Variants in STPG2 observed in about 807,000 individuals in gnomAD.
STPG2 encodes the protein sperm tail PG-rich repeat containing 2, also known as sperm-tail PG-rich repeat-containing protein 2.
In STPG2, 56 loss-of-function variants were observed where a neutral mutation model predicts 54.2. The observed-to-expected ratio is 1.03, with a 90% CI of 0.83 to 1.29. The LOEUF is 1.29. Ranked by LOEUF, STPG2 falls within the 50% of genes most tolerant of loss-of-function variation. STPG2 has a pLI of 0.00. For synonymous variants in STPG2, 200 were observed against 181.8 expected, an observed-to-expected ratio of 1.10 and a Z score of -0.81; for missense variants, 596 against 544.9, an observed-to-expected ratio of 1.09 and a Z score of -0.93.
chr4:97,537,646 G>A (rs983054736), intron 4 of STPG2, among the ~76,000 whole-genome samples: 4 of 152,202 alleles, frequency 2.6e-5, no homozygotes, highest in African/African-American at 9.6e-5. Context: ...AAAGGCAGCA[G>A]AAACCTCAGC....
chr4:97,473,916 CCT>C (rs926758647), intron 4 of STPG2, among the ~76,000 whole-genome samples: 12 of 152,158 alleles, frequency 7.9e-5, no homozygotes, highest in African/African-American at 2.6e-4. Context: ...CTGAGTTTCC[CCT>C]GATAATTGGT....
chr4:98,120,615 T>C (rs903995830), intron 3 of STPG2, among the ~76,000 whole-genome samples: 7 of 152,236 alleles, frequency 4.6e-5, no homozygotes, highest in Non-Finnish European at 8.8e-5. Flanking sequence ...CTGACTGGTG[T>C]GAGATGGTAT....
Position 97,442,655 on chromosome 4 carries a change from A to T in STPG2, c.463-254822T>A, listed in dbSNP as rs115696089. 4.4e-3 allele frequency among the ~76,000 whole-genome samples: 677 copies of T among 152,280 alleles called. 2 individuals carry two copies. Among genetic ancestry groups the T allele is most frequent in the Non-Finnish European group, 7.0e-3 (476 of 67,980 alleles). ...TTTGCCTGCTGAAGGCTTATTTAAC[A>T]GAGGGCTTCGAATGGAAGTGAGCAT... On this transcript the variant is annotated intron_variant, in intron 4 of 4. Coordinates refer to the STPG2 transcript ENST00000522676.
In STPG2 at chr4:97,871,388, C is replaced by T. The variant is rs146570629; in HGVS notation, c.1045-30456G>A. 3.0e-3 allele frequency among the ~76,000 whole-genome samples: 456 copies of T among 150,282 alleles called. 1 individual carries two copies. Among genetic ancestry groups the T allele is most frequent in the African/African-American group, 0.011 (437 of 41,218 alleles). Reference sequence around the variant, plus strand: ...TGAAAGAATTAACAAAATAATCACACCAGTAGCTAATCTAATTTTTTTTTA... The same window carrying T: ...TGAAAGAATTAACAAAATAATCACATCAGTAGCTAATCTAATTTTTTTTTA... On this transcript the variant is annotated intron_variant, in intron 8 of 10. Transcript: ENST00000295268.
intron 4 of STPG2, among the ~76,000 whole-genome samples, chr4:97,551,027 T>G (rs1208535252): frequency 6.9e-6 from 1 of 144,232 alleles, no homozygotes; most frequent in Non-Finnish European, 1.5e-5. Context: ...CCCATTGGGT[T>G]GCCGCTGTGG....
intron 3 of STPG2, among the ~76,000 whole-genome samples, chr4:98,118,424 T>A (rs141159421): frequency 1.2e-3 from 182 of 152,260 alleles, no homozygotes; most frequent in African/African-American, 4.2e-3. Context: ...AATAGGTACA[T>A]AATTCTGGAT....
intron 3 of STPG2, among the ~76,000 whole-genome samples, chr4:98,127,657 A>G (rs1365954661): frequency 1.3e-5 from 2 of 152,196 alleles, no homozygotes; most frequent in African/African-American, 4.8e-5. Context: ...CTGTCTTATA[A>G]TTGAGTAAAA....
chr4:97,802,633 G>C (rs1727434378), intron 9 of STPG2, among the ~76,000 whole-genome samples: 1 of 151,924 alleles, frequency 6.6e-6, no homozygotes, highest in South Asian at 2.1e-4. Context: ...ACCACACCCG[G>C]CTAGTTTTTG....
chr4:97,829,449 A>AC (rs1170131434), intron 9 of STPG2, among the ~76,000 whole-genome samples: 1 of 152,054 alleles, frequency 6.6e-6, no homozygotes, highest in African/African-American at 2.4e-5. Context: ...AATTCCAAAA[A>AC]CCAGAACATC....
intron 7 of STPG2, among the ~76,000 whole-genome samples, chr4:97,968,875 C>T (rs970443924): frequency 5.9e-5 from 9 of 152,282 alleles, no homozygotes; most frequent in East Asian, 3.9e-4. Flanking sequence ...GAGCCAACAG[C>T]GCGTGATGTG....
intron 10 of STPG2, among the ~76,000 whole-genome samples, chr4:97,709,968 A>C (rs1011861287): frequency 1.3e-5 from 2 of 151,938 alleles, no homozygotes; most frequent in Admixed American, 6.6e-5. Context: ...TTAATATAGT[A>C]TTAGGTGCCA....
intron 8 of STPG2, among the ~76,000 whole-genome samples, chr4:97,860,888 T>C (rs1729509270): frequency 6.6e-6 from 1 of 152,164 alleles, no homozygotes; most frequent in Admixed American, 6.6e-5. Flanking sequence ...CTTTTCCCCA[T>C]TCAACATGAT....
chr4:97,504,890 T>TTA (rs1324982484), intron 4 of STPG2, among the ~76,000 whole-genome samples: 2 of 151,998 alleles, frequency 1.3e-5, no homozygotes, highest in Non-Finnish European at 2.9e-5. Context: ...TTTTTACAAT[T>TTA]CTGAAAAAAA....
intron 5 of STPG2, among the ~76,000 whole-genome samples, chr4:98,083,214 A>G (rs979804236): frequency 6.6e-6 from 1 of 152,156 alleles, no homozygotes; most frequent in Non-Finnish European, 1.5e-5. Context: ...ACATGTAATA[A>G]TGACTCTTAA....
intron 8 of STPG2, among the ~76,000 whole-genome samples, chr4:97,872,279 A>G (rs1337818720): frequency 1.3e-5 from 2 of 151,254 alleles, no homozygotes; most frequent in Non-Finnish European, 3.0e-5. Flanking sequence ...TACTGAAAGT[A>G]TTAGCCTGTG....
chr4:97,893,073 T>C (rs1730832130), intron 8 of STPG2: 1 of 152,110 alleles, frequency 6.6e-6, no homozygotes. Context: ...GACCATAACA[T>C]TCAGATACCA....
intron 5 of STPG2, among the ~76,000 whole-genome samples, chr4:98,013,413 T>C (rs1425363236): frequency 6.6e-6 from 1 of 152,122 alleles, no homozygotes; most frequent in Non-Finnish European, 1.5e-5. Flanking sequence ...GTTTTCTTTT[T>C]TGTTGTGTCT....
chr4:98,130,308 TG>T (rs1419910924), intron 2 of STPG2, among the ~76,000 whole-genome samples: 2 of 152,110 alleles, frequency 1.3e-5, no homozygotes, highest in Non-Finnish European at 2.9e-5. Flanking sequence ...CCCAAGTAGC[TG>T]GGATTACAGG....
At chr4:97,871,637 T>C (rs1185379566) in intron 8 of STPG2, among the ~76,000 whole-genome samples, 2 of 151,098 alleles carry the variant, frequency 1.3e-5, no homozygotes, top group Non-Finnish European at 3.0e-5. Context: ...TCAAATTTTG[T>C]AGAAAAAGAA....
Sources: allele counts gnomAD v4.1 joint callset (sites outside exome capture counted in the v4.1 genomes callset), GRCh38; gene constraint gnomAD v4.1.1; transcripts MANE v1.5; gene names NCBI Gene and HGNC (gene_info 2026-07-23, HGNC 2026-07-21).